The following ALDH9A1 variants were observed in gnomAD, a reference collection of about 807,000 sequenced individuals.
ALDH9A1 encodes the protein aldehyde dehydrogenase 9 family member A1.
Under a neutral mutation model 56.6 loss-of-function variants are expected in ALDH9A1, and 42 were observed. That is an observed-to-expected ratio of 0.74 (90% CI 0.58 to 0.96). ALDH9A1 has a LOEUF of 0.96. Ranked by LOEUF, ALDH9A1 falls within the 40% of genes least tolerant of loss-of-function variation. ALDH9A1 has a pLI of 0.00. For missense variants in ALDH9A1, 661 were observed against 651.5 expected, an observed-to-expected ratio of 1.01 and a Z score of -0.16; for synonymous variants, 242 against 236.0, an observed-to-expected ratio of 1.03 and a Z score of -0.23.
At chr1:165,688,547 A>C (rs886367218) in intron 2 of ALDH9A1, among the ~76,000 whole-genome samples, 7 of 152,050 alleles carry the variant, frequency 4.6e-5, no homozygotes, top group South Asian at 2.1e-4. Context: ...GCGTAACCCC[A>C]TCTCTACAAA....
At chr1:165,683,302 CGTTA>C (rs1363414272) in intron 2 of ALDH9A1, among the ~76,000 whole-genome samples, 192 bp from the exon 3 acceptor site, 1 of 85,700 alleles carries the variant, frequency 1.2e-5, no homozygotes, top group Non-Finnish European at 2.6e-5. Context: ...GTTCTTCCCT[CGTTA>C]ATTAATCGAC....
At chr1:165,664,948 G>A in intron 10 of ALDH9A1, 70 bp downstream of exon 10, 1 of 1,217,980 alleles carries the variant, frequency 8.2e-7, no homozygotes, top group Non-Finnish European at 1.2e-6. Flanking sequence ...TAGGAATACT[G>A]GTTTATAAGG....
At chr1:165,668,670 T>G in intron 8 of ALDH9A1, 1 of 318,664 alleles carries the variant, frequency 3.1e-6, no homozygotes, top group Non-Finnish European at 5.7e-6. Context: ...AATATGCACT[T>G]TCATATTTTT....
chr1:165,668,425 C>T (rs1345371355), intron 8 of ALDH9A1, among the ~76,000 whole-genome samples: 3 of 152,124 alleles, frequency 2.0e-5, no homozygotes, highest in Admixed American at 6.6e-5. Flanking sequence ...CGTCTGCTCC[C>T]CTTTCACCTT....
intron 2 of ALDH9A1, among the ~76,000 whole-genome samples, chr1:165,690,955 C>T (rs988144152): frequency 6.6e-6 from 1 of 152,200 alleles, no homozygotes; most frequent in African/African-American, 2.4e-5. Flanking sequence ...GAACAAAAGG[C>T]AGCGGAAACT....
Position 165,680,576 on chromosome 1 carries a change from G to T in ALDH9A1, c.700C>A (p.Gln234Lys), listed in dbSNP as rs747426195. The change falls in exon 5 of 11, where the codon CAG (glutamine) becomes AAG (lysine). Residue 234 changes from glutamine (Q) to lysine (K), a missense_variant. Transcript: ENST00000354775. ...AACTGGCCTGTGGCAGCCCCTCCCT[G>T]CACCACATTGAAGAGCCCAGGAGGT... Reference protein sequence around the residue: ...GVPPGLFNVVQGGAATGQFLC... With the variant: ...GVPPGLFNVVKGGAATGQFLC... 6.2e-7 allele frequency: 1 copy of T among 1,614,022 alleles called. No individual in the cohort carries two copies. Among genetic ancestry groups the T allele is most frequent in the African/African-American group, 1.3e-5 (1 of 74,912 alleles).
At chr1:165,695,488 T>A in intron 1 of ALDH9A1, 91 bp from the exon 2 acceptor site, 84 of 182,238 alleles carry the variant, frequency 4.6e-4, no homozygotes, top group Non-Finnish European at 6.6e-4. Flanking sequence ...AGTAGTAGTC[T>A]TTTTTTTTTT....
chr1:165,682,913 C>G, intron 3 of ALDH9A1, 68 bp downstream of exon 3: 2 of 1,531,882 alleles, frequency 1.3e-6, no homozygotes, highest in Non-Finnish European at 1.8e-6. Context: ...AAATCTTTGC[C>G]CTTCACCACT....
At chr1:165,671,058 G>A (rs941723244) in intron 6 of ALDH9A1, among the ~76,000 whole-genome samples, 11 of 152,208 alleles carry the variant, frequency 7.2e-5, no homozygotes, top group Non-Finnish European at 2.9e-5. Flanking sequence ...GCGACAGAGC[G>A]AGACTCCGTC....
At chr1:165,664,486 AAGGAAAC>A (rs779411194) in intron 10 of ALDH9A1, among the ~76,000 whole-genome samples, 14 of 152,234 alleles carry the variant, frequency 9.2e-5, no homozygotes, top group Admixed American at 2.0e-4. Flanking sequence ...AGCAGTGGCT[AAGGAAAC>A]ACACTCCTAT....
chr1:165,663,034 G>T lies in ALDH9A1; in HGVS notation c.*16C>A. On this transcript the variant is annotated 3_prime_UTR_variant, in exon 11 of 11. Transcript: ENST00000354775. ...TTCCACAGCGTGGCCATGTCAATAG[G>T]TTTCACTGCAGGTTTTCAAAAAGCA... The T allele has an allele frequency of 6.2e-7, 1 of 1,609,592 alleles. No homozygotes were observed. The highest frequency in any genetic ancestry group is 8.5e-7 in the Non-Finnish European group (1 of 1,175,914).
rs1415591999 is a variant in ALDH9A1 at position 165,683,650 on chromosome 1, C to T, written c.328-540G>A. Among the ~76,000 whole-genome samples, 11 of 152,144 alleles carry T rather than the reference C, an allele frequency of 7.2e-5. No homozygotes were observed. The East Asian group carries it at 1.2e-3, about 16-fold the overall frequency. ...ATTGCATTTAAGAGGTTGTAATATG[C>T]GTCACTTTAAGTCACCCAAAGAATT... On this transcript the variant is annotated intron_variant, in intron 2 of 10. Transcript: ENST00000354775.
intron 6 of ALDH9A1, among the ~76,000 whole-genome samples, chr1:165,671,894 A>C (rs1177942100): frequency 1.3e-5 from 2 of 152,228 alleles, no homozygotes; most frequent in Non-Finnish European, 2.9e-5. Context: ...AACCACAATG[A>C]GATACCACTT....
rs749381621 is a variant in ALDH9A1, at chr1:165,667,404, C to A, written c.1254G>T (p.Gly418=). The change falls in exon 9 of 11, where the codon GGG becomes GGT. Residue 418 remains glycine, a synonymous_variant. Transcript: ENST00000354775. ...CAAATGATAAAATGGACATAACAGGCCCAAAGATCTCTTCCTTCACACAGG... is the reference window on the plus strand; with the variant it reads ...CAAATGATAAAATGGACATAACAGGACCAAAGATCTCTTCCTTCACACAGG... ...DMTCVKEEIF[G]PVMSILSFDT... is the part of the protein sequence containing the mutation. 1 of 1,614,082 alleles carries A rather than the reference C, an allele frequency of 6.2e-7. No homozygotes were observed. The highest frequency in any genetic ancestry group is 1.1e-5 in the South Asian group (1 of 91,076).
intron 9 of ALDH9A1, among the ~76,000 whole-genome samples, chr1:165,666,341 C>T (rs753373029): frequency 3.9e-5 from 6 of 152,108 alleles, no homozygotes; most frequent in Admixed American, 6.6e-5. Flanking sequence ...GATGGTTGCA[C>T]AACTCCATGA....
intron 1 of ALDH9A1, 84 bp downstream of exon 1, chr1:165,698,294 C>T: frequency 6.6e-7 from 1 of 1,512,806 alleles, no homozygotes; most frequent in Non-Finnish European, 8.8e-7. Context: ...GTCAACGCTG[C>T]AGAACACAGG....
At chr1:165,672,448 T>G (rs1420455406) in intron 6 of ALDH9A1, among the ~76,000 whole-genome samples, 1 of 152,152 alleles carries the variant, frequency 6.6e-6, no homozygotes, top group African/African-American at 2.4e-5. Context: ...AAAAGGTACG[T>G]AGAATAGTCA....
chr1:165,669,109 C>G, intron 7 of ALDH9A1, 96 bp from the exon 8 acceptor site: 1 of 1,343,816 alleles, frequency 7.4e-7, no homozygotes, highest in South Asian at 1.4e-5. Flanking sequence ...ACATAGTCTT[C>G]CCAGTGCAGG....
chr1:165,670,614 G>T (rs1199942027), intron 6 of ALDH9A1, among the ~76,000 whole-genome samples: 1 of 151,838 alleles, frequency 6.6e-6, no homozygotes, highest in African/African-American at 2.4e-5. Context: ...TTAAAAAATT[G>T]GAATAAAATT....
Sources: allele counts gnomAD v4.1 joint callset (sites outside exome capture counted in the v4.1 genomes callset), GRCh38; gene constraint gnomAD v4.1.1; transcripts MANE v1.5; gene names NCBI Gene and HGNC (gene_info 2026-07-23, HGNC 2026-07-21).